CSMD1: variants seen among roughly 807,000 people sequenced by gnomAD.
CSMD1 encodes CUB and sushi domain-containing protein 1.
CSMD1 carries 213 observed loss-of-function variants against 417.5 expected under a neutral mutation model. That is an observed-to-expected ratio of 0.51 (90% CI 0.46 to 0.57). The LOEUF (loss-of-function observed/expected upper bound fraction) is 0.57. Among genes scored for constraint, CSMD1 ranks in the 20% least tolerant of loss-of-function variants. CSMD1 has a pLI of 0.00. For synonymous variants in CSMD1, 2,862 were observed against 1,736.8 expected (o/e 1.65, Z -16.11); for missense variants, 6,923 against 4,529.7 (o/e 1.53, Z -15.17).
At chr8:3,793,293 T>A (rs1433120001) in intron 5 of CSMD1, among the ~76,000 whole-genome samples, 1 of 152,226 alleles carries the variant, frequency 6.6e-6, no homozygotes, top group Non-Finnish European at 1.5e-5. Flanking sequence ...AATTTTCCTA[T>A]TTTTAGAATT....
chr8:4,456,253 T>C (rs1363727900), intron 2 of CSMD1, among the ~76,000 whole-genome samples: 1 of 152,052 alleles, frequency 6.6e-6, no homozygotes, highest in Non-Finnish European at 1.5e-5. Context: ...ATACAAAGTA[T>C]GTAACAGAAA....
chr8:3,752,405 A>G (rs1797387706), intron 6 of CSMD1, among the ~76,000 whole-genome samples: 1 of 152,146 alleles, frequency 6.6e-6, no homozygotes, highest in Non-Finnish European at 1.5e-5. Flanking sequence ...CTGTAATCCC[A>G]GCACTTTGGG....
chr8:3,429,088 G>T (rs897647978), intron 12 of CSMD1, among the ~76,000 whole-genome samples: 3 of 152,122 alleles, frequency 2.0e-5, no homozygotes, highest in Non-Finnish European at 4.4e-5. Context: ...CAGGGTCTCA[G>T]GTAGAAGTAA....
At chr8:3,793,399 C>G (rs561345274) in intron 5 of CSMD1, among the ~76,000 whole-genome samples, 1 of 152,016 alleles carries the variant, frequency 6.6e-6, no homozygotes, top group African/African-American at 2.4e-5. Flanking sequence ...CATATTTTTC[C>G]TTGCCTACTT....
intron 10 of CSMD1, among the ~76,000 whole-genome samples, chr8:3,527,249 A>C (rs1797790494): frequency 6.6e-6 from 1 of 152,208 alleles, no homozygotes; most frequent in African/African-American, 2.4e-5. Flanking sequence ...CCTAATTGGT[A>C]CAGGGCGCTG....
At chr8:3,687,096 T>G (rs7816248) in intron 7 of CSMD1, among the ~76,000 whole-genome samples, 1 of 152,086 alleles carries the variant, frequency 6.6e-6, no homozygotes, top group African/African-American at 2.4e-5. Context: ...GTATGTCCAA[T>G]AAAATGCAGG....
intron 27 of CSMD1, among the ~76,000 whole-genome samples, chr8:3,225,659 G>T (rs1019887672): frequency 6.6e-6 from 1 of 152,148 alleles, no homozygotes; most frequent in African/African-American, 2.4e-5. Context: ...TCAGGGATAT[G>T]ATTCAAATAT....
chr8:4,844,501 G>A lies in CSMD1; in HGVS notation c.85+149831C>T, dbSNP rs566708529. Among the ~76,000 whole-genome samples the A allele has an allele frequency of 2.6e-5, 4 of 152,048 alleles. No individual in the cohort carries two copies. The South Asian group carries it at 8.3e-4, about 32-fold the overall frequency. The stretch of plus-strand genomic sequence containing the variant: ...CATAACAGCCTCAATCAGCACTCTT[G>A]GCCGCGTCAAGGTCAGGACTGCCTG... On this transcript the variant is annotated intron_variant, in intron 1 of 69. Transcript: ENST00000635120.
At chr8:3,535,968 G>C (rs1387887886) in intron 10 of CSMD1, among the ~76,000 whole-genome samples, 4 of 152,166 alleles carry the variant, frequency 2.6e-5, no homozygotes, top group African/African-American at 9.7e-5. Context: ...TTATATGACA[G>C]AGGGCCATCC....
intron 5 of CSMD1, among the ~76,000 whole-genome samples, chr8:3,830,919 C>T (rs1178607958): frequency 6.6e-6 from 1 of 152,108 alleles, no homozygotes; most frequent in African/African-American, 2.4e-5. Flanking sequence ...CTTCCTCTCA[C>T]CTAAAATTAT....
At chr8:3,471,509 A>G (rs555851799) in intron 11 of CSMD1, among the ~76,000 whole-genome samples, 5 of 106,680 alleles carry the variant, frequency 4.7e-5, no homozygotes, top group South Asian at 3.0e-4. Flanking sequence ...TCCTTCCTTC[A>G]TTCCTTCCTT....
Position 4,972,078 on chromosome 8 carries a change from C to CG in CSMD1, c.85+22253dup, listed in dbSNP as rs1237185388. ...GTGAAGAGGTAAGCGATACCATACC[C>CG]GTTTTCAAGTATGTTCAAGCCTATC... On this transcript the variant is annotated intron_variant, in intron 1 of 69. Coordinates refer to ENST00000635120, the MANE Select transcript of CSMD1 (RefSeq NM_033225.6). Among the ~76,000 whole-genome samples the CG allele has an allele frequency of 4.5e-4, 69 of 152,098 alleles. 1 individual carries two copies. Among genetic ancestry groups the CG allele is most frequent in the Non-Finnish European group, 4.4e-4 (30 of 68,000 alleles).
At chr8:3,589,497 G>T (rs1352179175) in intron 8 of CSMD1, among the ~76,000 whole-genome samples, 13 of 152,068 alleles carry the variant, frequency 8.5e-5, no homozygotes, top group Admixed American at 8.5e-4. Context: ...GATCCTGGGG[G>T]AAATTATGCT....
intron 10 of CSMD1, among the ~76,000 whole-genome samples, chr8:3,564,524 T>TGC (rs1799613543): frequency 1.3e-5 from 2 of 150,180 alleles, no homozygotes; most frequent in South Asian, 4.2e-4. Context: ...TATTTGTGTG[T>TGC]GTGTGTGTGT....
chr8:3,861,877 C>G (rs1380884466), intron 5 of CSMD1, among the ~76,000 whole-genome samples: 1 of 152,166 alleles, frequency 6.6e-6, no homozygotes, highest in East Asian at 1.9e-4. Flanking sequence ...AGAAAACCCA[C>G]AGTGGAAGTC....
chr8:3,895,591 G>A (rs1369500764), intron 5 of CSMD1, among the ~76,000 whole-genome samples: 3 of 152,072 alleles, frequency 2.0e-5, no homozygotes, highest in Non-Finnish European at 2.9e-5. Context: ...CCTTTCTAAT[G>A]CCCATATATG....
chr8:3,716,158 G>A (rs528628297), intron 6 of CSMD1, among the ~76,000 whole-genome samples: 6 of 152,088 alleles, frequency 3.9e-5, no homozygotes, highest in Non-Finnish European at 5.9e-5. Context: ...TTCACTGGCC[G>A]CTCCTTGTTC....
chr8:3,959,318 A>G (rs907404639), intron 5 of CSMD1, among the ~76,000 whole-genome samples: 5 of 152,130 alleles, frequency 3.3e-5, no homozygotes, highest in African/African-American at 9.7e-5. Context: ...GCAACATGGC[A>G]AAAAACCCTG....
intron 7 of CSMD1, among the ~76,000 whole-genome samples, chr8:3,652,213 C>G: frequency 6.6e-6 from 1 of 151,312 alleles, no homozygotes; most frequent in Admixed American, 6.6e-5. Context: ...CTACCACCAT[C>G]AGAGCGCCAT....
Sources: allele counts gnomAD v4.1 joint callset (sites outside exome capture counted in the v4.1 genomes callset), GRCh38; gene constraint gnomAD v4.1.1; transcripts MANE v1.5; gene names NCBI Gene and HGNC (gene_info 2026-07-23, HGNC 2026-07-21).